SLC25A26: variants seen among roughly 807,000 people sequenced by gnomAD.
The protein encoded by SLC25A26 is mitochondrial S-adenosylmethionine carrier protein.
In SLC25A26, 36 loss-of-function variants were observed where a neutral mutation model predicts 37.8. The ratio of observed to expected loss-of-function variants is 0.95; its 90% CI spans 0.73 to 1.26. The LOEUF is 1.26. Among genes scored for constraint, SLC25A26 ranks in the 50% most tolerant of loss-of-function variants. SLC25A26 has a pLI of 0.00. For missense variants in SLC25A26, 390 were observed against 331.1 expected (o/e 1.18, Z -1.38); for synonymous variants, 129 against 122.5 (o/e 1.05, Z -0.35).
At chr3:66,285,224 A>G (rs1351285509) in intron 5 of SLC25A26, among the ~76,000 whole-genome samples, 1 of 152,150 alleles carries the variant, frequency 6.6e-6, no homozygotes, top group African/African-American at 2.4e-5. Context: ...GTATATAAAA[A>G]TACTTTCAAA....
In SLC25A26 at chr3:66,172,628, A is replaced by G. The variant is rs1005678195; in HGVS notation, c.-354+38644A>G. On this transcript the variant is annotated intron_variant, in intron 1 of 10. Coordinates refer to the SLC25A26 transcript ENST00000676754. ...CAGAAATATATTGTCTCAAAGTTCT[A>G]GAGTCCAGAGATCAAGTGTCACCAG... Among the ~76,000 whole-genome samples the G allele has an allele frequency of 9.9e-5, 15 of 152,250 alleles. No individual in the cohort carries two copies. In the East Asian group the frequency reaches 2.3e-3, roughly 24 times the overall value.
At chr3:66,316,189 T>C (rs2075534389) in intron 5 of SLC25A26, among the ~76,000 whole-genome samples, 1 of 152,226 alleles carries the variant, frequency 6.6e-6, no homozygotes, top group African/African-American at 2.4e-5. Context: ...CAGACTTGTT[T>C]ATGTAGTTGC....
intron 3 of SLC25A26, among the ~76,000 whole-genome samples, chr3:66,258,588 A>G (rs570356247): frequency 2.0e-5 from 3 of 152,316 alleles, no homozygotes; most frequent in Non-Finnish European, 4.4e-5. Context: ...GAAATTTTAT[A>G]TTTTCTAATA....
rs549759894 is a variant in SLC25A26, at chr3:66,168,314, G to C, written c.-354+34330G>C. ...CTACTTTGGTGATGTTTTGTTAAAT[G>C]GCAGTGAAATGGCTGCTGTTGCGGG... is the stretch of plus-strand genomic sequence containing the variant. On this transcript the variant is annotated intron_variant, in intron 1 of 10. Transcript: ENST00000676754. Among the ~76,000 whole-genome samples the C allele has an allele frequency of 7.2e-5, 11 of 151,882 alleles. No homozygotes were observed. The South Asian group carries it at 2.3e-3, about 32-fold the overall frequency.
At chr3:66,259,031 C>T (rs1005347933) in intron 3 of SLC25A26, among the ~76,000 whole-genome samples, 7 of 152,108 alleles carry the variant, frequency 4.6e-5, no homozygotes, top group East Asian at 3.9e-4. Context: ...GACCCCTGGA[C>T]GGGAGTGTTT....
At chr3:66,363,558 G>T (rs1408452215) in intron 7 of SLC25A26, among the ~76,000 whole-genome samples, 1 of 152,182 alleles carries the variant, frequency 6.6e-6, no homozygotes, top group Non-Finnish European at 1.5e-5. Context: ...GAACTCAAAT[G>T]CTTTAAAGAG....
At chr3:66,330,843 T>G (rs971754685) in intron 5 of SLC25A26, among the ~76,000 whole-genome samples, 1 of 152,134 alleles carries the variant, frequency 6.6e-6, no homozygotes, top group Admixed American at 6.5e-5. Flanking sequence ...AGAACCACAC[T>G]CATTTGCAAG....
intron 1 of SLC25A26, among the ~76,000 whole-genome samples, chr3:66,155,033 G>C (rs182178233): frequency 1.1e-3 from 163 of 152,288 alleles, no homozygotes; most frequent in African/African-American, 3.9e-3. Flanking sequence ...GTACATAGTA[G>C]GCAGCATGTG....
upstream of SLC25A26, among the ~76,000 whole-genome samples, chr3:66,217,136 C>T (rs1262440788): frequency 1.3e-5 from 2 of 152,092 alleles, no homozygotes; most frequent in Non-Finnish European, 2.9e-5. Context: ...ACAATTTTTT[C>T]TTGCAAAGTT....
At chr3:66,264,184 A>C (rs9310057) in intron 5 of SLC25A26, among the ~76,000 whole-genome samples, 7,855 of 147,516 alleles carry the variant, frequency 0.053, 620 homozygotes, top group African/African-American at 0.17. Context: ...AGGCAGGAGA[A>C]TTGCTTGAAC....
intron 1 of SLC25A26, among the ~76,000 whole-genome samples, chr3:66,204,663 A>G (rs1445516213): frequency 2.6e-5 from 4 of 152,182 alleles, no homozygotes; most frequent in Admixed American, 6.5e-5. Context: ...GAACATTGAC[A>G]GGAACATGTA....
intron 5 of SLC25A26, among the ~76,000 whole-genome samples, chr3:66,313,772 T>G (rs567864276): frequency 6.6e-5 from 10 of 152,362 alleles, no homozygotes; most frequent in African/African-American, 2.4e-4. Context: ...TTTATCCATT[T>G]GTTTGTGTCC....
At chr3:66,260,884 G>T (rs891479734) in intron 3 of SLC25A26, among the ~76,000 whole-genome samples, 1 of 152,142 alleles carries the variant, frequency 6.6e-6, no homozygotes, top group Non-Finnish European at 1.5e-5. Flanking sequence ...TTTCCTATTT[G>T]GTCTTTTACA....
intron 1 of SLC25A26, among the ~76,000 whole-genome samples, chr3:66,225,122 C>T (rs2071680755): frequency 6.6e-6 from 1 of 152,162 alleles, no homozygotes; most frequent in Non-Finnish European, 1.5e-5. Context: ...CCTCTTCTCA[C>T]AGCTCCACCA....
At chr3:66,169,101 G>A (rs2070462025) in intron 1 of SLC25A26, among the ~76,000 whole-genome samples, 1 of 152,084 alleles carries the variant, frequency 6.6e-6, no homozygotes, top group African/African-American at 2.4e-5. Flanking sequence ...ATCCATCCTG[G>A]GTGACAGAGC....
intron 1 of SLC25A26, among the ~76,000 whole-genome samples, chr3:66,172,807 C>T (rs1218045634): frequency 6.6e-6 from 1 of 152,136 alleles, no homozygotes; most frequent in African/African-American, 2.4e-5. Context: ...TTCATGTTCA[C>T]ATGGTGCTCT....
chr3:66,149,791 C>T (rs899300080), intron 1 of SLC25A26, among the ~76,000 whole-genome samples: 1 of 152,044 alleles, frequency 6.6e-6, no homozygotes, highest in African/African-American at 2.4e-5. Context: ...ATAATGACAC[C>T]AGGATAACAG....
intron 5 of SLC25A26, among the ~76,000 whole-genome samples, chr3:66,281,433 T>TG (rs1301413345): frequency 6.6e-6 from 1 of 152,224 alleles, no homozygotes; most frequent in Non-Finnish European, 1.5e-5. Flanking sequence ...TTTGTTACAT[T>TG]GGTGATTGCA....
chr3:66,162,248 T>C (rs1247856258), intron 1 of SLC25A26, among the ~76,000 whole-genome samples: 1 of 151,902 alleles, frequency 6.6e-6, no homozygotes, highest in African/African-American at 2.4e-5. Flanking sequence ...ACATATGACC[T>C]CATTTTACCT....
Sources: gnomAD v4.1 joint callset for allele counts (sites outside exome capture counted in the v4.1 genomes callset) on GRCh38, gnomAD v4.1.1 for gene constraint, MANE v1.5 for transcripts, NCBI Gene and HGNC (gene_info 2026-07-23, HGNC 2026-07-21) for gene names.